Variants in RNF111 observed in about 807,000 individuals in gnomAD.
RNF111 encodes ring finger protein 111, also known as E3 ubiquitin-protein ligase Arkadia.
Under a neutral mutation model 95.1 loss-of-function variants are expected in RNF111, and 17 were observed. That is an observed-to-expected ratio of 0.18 (90% CI 0.12 to 0.27). RNF111 has a LOEUF of 0.27. RNF111 is among the 10% of genes least tolerant of loss of function. The pLI, the probability that RNF111 is intolerant of heterozygous loss-of-function variation, is 1.00. For synonymous variants in RNF111, 440 were observed against 414.8 expected, an observed-to-expected ratio of 1.06 and a Z score of -0.74; for missense variants, 1,189 against 1,210.4, an observed-to-expected ratio of 0.98 and a Z score of 0.26.
intron 1 of RNF111, among the ~76,000 whole-genome samples, chr15:58,990,262 G>T (rs1320542151): frequency 8.5e-5 from 13 of 152,238 alleles, no homozygotes; most frequent in Admixed American, 2.0e-4. Context: ...ATCTAGTTAG[G>T]TTTTTGGTAT....
intron 1 of RNF111, among the ~76,000 whole-genome samples, chr15:58,998,137 T>G (rs1182242378): frequency 1.3e-5 from 2 of 151,928 alleles, no homozygotes; most frequent in Non-Finnish European, 2.9e-5. Context: ...TCTCCTGACC[T>G]CGTGATCCGC....
rs114812703 is a variant in RNF111, at chr15:59,015,141, C to A, written c.-19-15663C>A. On this transcript the variant is annotated intron_variant, in intron 1 of 13. Coordinates refer to ENST00000348370, the MANE Select transcript of RNF111 (RefSeq NM_017610.8). ...GATCAGTACTTACTAGGACCAAAGT[C>A]GAATTTTTTAAATTCTGATATTTTT... Among the ~76,000 whole-genome samples, 660 of 151,876 alleles carry A rather than the reference C, an allele frequency of 4.3e-3. 8 individuals are homozygous for A. Among genetic ancestry groups the A allele is most frequent in the African/African-American group, 0.015 (635 of 41,394 alleles).
intron 6 of RNF111, among the ~76,000 whole-genome samples, chr15:59,072,597 C>A (rs1343748023): frequency 6.6e-6 from 1 of 151,304 alleles, no homozygotes; most frequent in Non-Finnish European, 1.5e-5. Flanking sequence ...ACTACAGGTG[C>A]CCGCCACCAC....
intron 12 of RNF111, among the ~76,000 whole-genome samples, chr15:59,091,931 T>G (rs896801618): frequency 5.9e-5 from 9 of 152,206 alleles, no homozygotes; most frequent in Admixed American, 5.2e-4. Context: ...GCTGCTGATC[T>G]GACAGGAGGA....
intron 1 of RNF111, among the ~76,000 whole-genome samples, chr15:59,023,868 A>G (rs147710399): frequency 1.5e-3 from 224 of 152,300 alleles, no homozygotes; most frequent in African/African-American, 5.3e-3. Flanking sequence ...GATTTACTTT[A>G]TAACTTTGAG....
chr15:59,014,019 G>T (rs1161410929), intron 1 of RNF111, among the ~76,000 whole-genome samples: 2 of 152,168 alleles, frequency 1.3e-5, no homozygotes, highest in African/African-American at 4.8e-5. Flanking sequence ...TTGAACTCCT[G>T]AGCTTAGGCA....
At chr15:59,045,763 A>G (rs1315430067) in intron 2 of RNF111, among the ~76,000 whole-genome samples, 1 of 152,228 alleles carries the variant, frequency 6.6e-6, no homozygotes, top group Non-Finnish European at 1.5e-5. Context: ...CTGCAAAGTC[A>G]ATGGTTAGCT....
intron 1 of RNF111, among the ~76,000 whole-genome samples, chr15:59,030,498 T>C (rs1186695811): frequency 6.6e-6 from 1 of 152,214 alleles, no homozygotes; most frequent in Non-Finnish European, 1.5e-5. Flanking sequence ...TTTGACCAAA[T>C]ATGTTTTGTT....
chr15:59,075,873 A>G, intron 6 of RNF111, 81 bp from the exon 7 acceptor site: 1 of 1,427,014 alleles, frequency 7.0e-7, no homozygotes, highest in Non-Finnish European at 9.5e-7. Context: ...TTTTTTGGTT[A>G]TATTAGGAAT....
intron 6 of RNF111, among the ~76,000 whole-genome samples, chr15:59,068,879 A>C (rs375221862): frequency 6.6e-6 from 1 of 152,090 alleles, no homozygotes; most frequent in African/African-American, 2.4e-5. Flanking sequence ...GTTCGAGACC[A>C]GCCTGACCAA....
intron 5 of RNF111, among the ~76,000 whole-genome samples, chr15:59,062,190 A>T (rs1211696893): frequency 6.6e-6 from 1 of 150,892 alleles, no homozygotes; most frequent in African/African-American, 2.4e-5. Context: ...CTACAGGCAC[A>T]CTCTACCACA....
At chr15:59,057,544 C>A (rs2042248335) in intron 4 of RNF111, among the ~76,000 whole-genome samples, 1 of 152,102 alleles carries the variant, frequency 6.6e-6, no homozygotes, top group Non-Finnish European at 1.5e-5. Context: ...TCCTACCGTT[C>A]TCAATTTTAA....
At chr15:59,054,219 G>A (rs1385987038) in intron 3 of RNF111, among the ~76,000 whole-genome samples, 2 of 152,314 alleles carry the variant, frequency 1.3e-5, no homozygotes, top group African/African-American at 4.8e-5. Context: ...TTACAGGCGT[G>A]AGCCACCACG....
intron 1 of RNF111, among the ~76,000 whole-genome samples, chr15:59,017,236 C>T (rs546117763): frequency 5.2e-4 from 79 of 151,394 alleles, no homozygotes; most frequent in East Asian, 2.3e-3. Flanking sequence ...GTGTAGGCCA[C>T]GATAATTTTT....
intron 1 of RNF111, among the ~76,000 whole-genome samples, chr15:58,991,066 C>T (rs756831994): frequency 3.0e-4 from 45 of 151,780 alleles, no homozygotes; most frequent in African/African-American, 1.1e-3. Context: ...GAAGCCGAGG[C>T]GGGTAGATCA....
chr15:59,069,310 A>T (rs1235702303), intron 6 of RNF111, among the ~76,000 whole-genome samples: 3 of 152,180 alleles, frequency 2.0e-5, no homozygotes, highest in African/African-American at 7.2e-5. Context: ...TGGAAGTATA[A>T]CTTTGTTTTG....
intron 9 of RNF111, among the ~76,000 whole-genome samples, chr15:59,084,641 C>T (rs574774396): frequency 2.6e-5 from 4 of 152,118 alleles, no homozygotes; most frequent in Non-Finnish European, 4.4e-5. Context: ...AATCTTTTGT[C>T]GCAGTTTTGA....
At position 59,004,174 on chromosome 15, in the gene RNF111, G is replaced by A. The variant is rs755344204; in HGVS notation, c.-20+16106G>A. Reference sequence around the variant, plus strand: ...GGCAGTTCTGGATTAGCAGTTTTAAGGTCTCAACTTTGTTTTTAGTTATCT... The same window carrying A: ...GGCAGTTCTGGATTAGCAGTTTTAAAGTCTCAACTTTGTTTTTAGTTATCT... On this transcript the variant is annotated intron_variant, in intron 1 of 13. Coordinates refer to ENST00000348370, the MANE Select transcript of RNF111 (RefSeq NM_017610.8). 7 of 1,171,378 alleles carry A rather than the reference G, an allele frequency of 6.0e-6. No individual in the cohort carries two copies. The South Asian group carries it at 8.2e-5, about 14-fold the overall frequency. The allele number at this position is 1,171,378 out of a possible 1,614,324, so 72.6% of individuals were successfully genotyped here.
At chr15:59,078,748 A>T (rs2078646183) in intron 7 of RNF111, among the ~76,000 whole-genome samples, 1 of 151,438 alleles carries the variant, frequency 6.6e-6, no homozygotes, top group Admixed American at 6.6e-5. Flanking sequence ...AATCGCAGCT[A>T]CTCGGGAGGC....
Sources: allele counts gnomAD v4.1 joint callset (sites outside exome capture counted in the v4.1 genomes callset), GRCh38; gene constraint gnomAD v4.1.1; transcripts MANE v1.5; gene names NCBI Gene and HGNC (gene_info 2026-07-23, HGNC 2026-07-21).